PLEKHA6: variants seen among roughly 807,000 people sequenced by gnomAD.
PLEKHA6 encodes pleckstrin homology domain-containing family A member 6.
In PLEKHA6, 60 loss-of-function variants were observed where a neutral mutation model predicts 116.7. The ratio of observed to expected loss-of-function variants is 0.51; its 90% confidence interval spans 0.42 to 0.64. The LOEUF (loss-of-function observed/expected upper bound fraction) is 0.64, where lower values mean the gene tolerates loss of function less well. Among genes scored for constraint, PLEKHA6 ranks in the 30% least tolerant of loss-of-function variants. The pLI, the probability that PLEKHA6 is intolerant of heterozygous loss-of-function variation, is 0.00. For missense variants in PLEKHA6, 1,338 were observed against 1,422.7 expected (o/e 0.94, Z 0.96); for synonymous variants, 489 against 556.1 (o/e 0.88, Z 1.70).
At position 204,299,456 on chromosome 1, in the gene PLEKHA6, G is replaced by T. The variant is rs141194531; in HGVS notation, c.-94-24647C>A. The T allele has an allele frequency of 2.5e-3, 396 of 158,994 alleles. 4 individuals are homozygous for T. Among genetic ancestry groups the T allele is most frequent in the African/African-American group, 9.2e-3 (385 of 41,662 alleles). The allele number at this position is 158,994 out of a possible 1,614,324, so 9.8% of individuals were successfully genotyped here. ...AGAGGGAGCTGGCAACAGAAGTGGG[G>T]TGTGTCATATAGGTGAGCTAAGGTC... On this transcript the variant is annotated intron_variant, in intron 1 of 22. Transcript: ENST00000272203.
At chr1:204,320,445 T>A in intron 1 of PLEKHA6, 1 of 964,968 alleles carries the variant, frequency 1.0e-6, no homozygotes, top group Non-Finnish European at 1.2e-6. Context: ...AGACTGTGGG[T>A]GGGAAGGAGC....
At chr1:204,230,081 A>G (rs1037963510) in intron 18 of PLEKHA6, among the ~76,000 whole-genome samples, 1 of 152,350 alleles carries the variant, frequency 6.6e-6, no homozygotes, top group Admixed American at 6.5e-5. Context: ...CACAGAGGAG[A>G]TGCTCCAGAA....
At chr1:204,274,643 C>A in intron 2 of PLEKHA6, 86 bp downstream of exon 2, 1 of 985,862 alleles carries the variant, frequency 1.0e-6, no homozygotes, top group South Asian at 4.7e-5. Context: ...CTCCCTGTTG[C>A]CTTCTGCTTT....
chr1:204,261,276 C>T lies in PLEKHA6; in HGVS notation c.524+30G>A, dbSNP rs761475050. The T allele has an allele frequency of 3.1e-6, 5 of 1,613,402 alleles. No homozygotes were observed. The African/African-American group carries it at 5.3e-5, about 17-fold the overall frequency. Reference sequence around the variant, plus strand: ...TCCATTCCCCTCTTTATTCTTCCTGCACCCCCACACTCAATTCCCTGGCAC... The same window carrying T: ...TCCATTCCCCTCTTTATTCTTCCTGTACCCCCACACTCAATTCCCTGGCAC... On this transcript the variant is annotated intron_variant, in intron 7 of 22. Transcript: ENST00000272203. This position sits in a 1 kb window ranked among gnomAD's most constrained non-coding sequence, Gnocchi z 4.0.
At position 204,291,128 on chromosome 1, in the gene PLEKHA6, CA is replaced by C. The variant is rs547755905; in HGVS notation, c.-94-16320del. On this transcript the variant is annotated intron_variant, in intron 1 of 22. Transcript: ENST00000272203. ...CTCTCACAACTTAGTATTAAGATAGCAAACAACACCAAAGTTATACACATGT... is the reference window on the plus strand; with the variant it reads ...CTCTCACAACTTAGTATTAAGATAGCAACAACACCAAAGTTATACACATGT... 1.1e-3 allele frequency among the ~76,000 whole-genome samples: 166 copies of C among 152,166 alleles called. 1 individual carries two copies. The highest frequency in any genetic ancestry group is 3.9e-3 in the African/African-American group (162 of 41,520).
At position 204,261,575 on chromosome 1, in the gene PLEKHA6, C is replaced by T; in HGVS notation, c.382-127G>A. 3 of 1,079,118 alleles carry T rather than the reference C, an allele frequency of 2.8e-6. No individual in the cohort carries two copies. Among genetic ancestry groups the T allele is most frequent in the East Asian group, 5.2e-5 (2 of 38,524 alleles). The allele number at this position is 1,079,118 out of a possible 1,614,324, so 66.8% of individuals were successfully genotyped here. On this transcript the variant is annotated intron_variant, in intron 6 of 22. Transcript: ENST00000272203. The surrounding 1 kb of genome is among the most constrained non-coding windows in gnomAD (Gnocchi z 4.0). ...GTTGGGCCATTCCCTGCACCTGGGGCTCTTCCCCATGCGGAGCTCAGGAGC... is the reference window on the plus strand; with the variant it reads ...GTTGGGCCATTCCCTGCACCTGGGGTTCTTCCCCATGCGGAGCTCAGGAGC...
At chr1:204,330,611 G>A (rs2103267061) in intron 1 of PLEKHA6, among the ~76,000 whole-genome samples, 1 of 152,320 alleles carries the variant, frequency 6.6e-6, no homozygotes, top group Non-Finnish European at 1.5e-5. Flanking sequence ...AGAACTTGTA[G>A]AGAGAACCCT....
chr1:204,301,500 G>T, intron 1 of PLEKHA6: 1 of 984,964 alleles, frequency 1.0e-6, no homozygotes, highest in Non-Finnish European at 1.2e-6. Flanking sequence ...CGCCACCCAA[G>T]TCCCCACCTC....
At chr1:204,275,272 G>A (rs1422857827) in intron 1 of PLEKHA6, among the ~76,000 whole-genome samples, 2 of 152,136 alleles carry the variant, frequency 1.3e-5, no homozygotes, top group African/African-American at 4.8e-5. Context: ...TCCTTCTCCT[G>A]CTTTTGCTCC....
intron 5 of PLEKHA6, 42 bp from the exon 6 acceptor site, chr1:204,265,084 TGCAAGC>T (rs768195404): frequency 3.7e-6 from 5 of 1,334,904 alleles, no homozygotes; most frequent in Non-Finnish European, 5.4e-6. Flanking sequence ...TGTGTGTGTG[TGCAAGC>T]GTGTGCGTGC....
chr1:204,220,615 C>A lies in PLEKHA6; in HGVS notation c.*2173G>T, dbSNP rs958690835. On this transcript the variant is annotated 3_prime_UTR_variant, in exon 23 of 23. Transcript: ENST00000272203. ...GTCTTTCCTCTCCCCTTCTTTGGAT[C>A]AAAAAGGCAAGGGGTATGGTCTTGA... The A allele has an allele frequency of 6.6e-6, 1 of 152,354 alleles. No homozygotes were observed. Among genetic ancestry groups the A allele is most frequent in the Non-Finnish European group, 1.5e-5 (1 of 67,982 alleles). 9.4% of individuals were successfully genotyped at this position (152,354 alleles called of 1,614,324 possible). A position where few individuals can be genotyped will look rare whatever the true frequency, so the allele number is the denominator to read the frequency against.
intron 6 of PLEKHA6, 77 bp downstream of exon 6, chr1:204,264,865 C>A (rs1030203722): frequency 2.9e-5 from 31 of 1,051,330 alleles, no homozygotes; most frequent in Admixed American, 2.0e-4. Context: ...TGGCTCTTGG[C>A]CCTTCTCCAT....
At chr1:204,293,558 T>C (rs1015139181) in intron 1 of PLEKHA6, among the ~76,000 whole-genome samples, 25 of 152,250 alleles carry the variant, frequency 1.6e-4, no homozygotes, top group African/African-American at 5.3e-4. Context: ...CCCTTTTGCC[T>C]CAGCCTCCAA....
chr1:204,227,432 C>T (rs1469828904), intron 21 of PLEKHA6, among the ~76,000 whole-genome samples: 2 of 152,212 alleles, frequency 1.3e-5, no homozygotes, highest in African/African-American at 4.8e-5. Context: ...ACATTTTCAT[C>T]TATTCTGGGA....
chr1:204,322,372 C>T (rs1260207151), intron 1 of PLEKHA6, among the ~76,000 whole-genome samples: 3 of 152,190 alleles, frequency 2.0e-5, no homozygotes, highest in Non-Finnish European at 4.4e-5. Context: ...GTCCTAGCTG[C>T]CCCGGCATCC....
Position 204,250,535 on chromosome 1 carries a change from G to A in PLEKHA6, c.1593+11C>T, listed in dbSNP as rs758990083. The A allele has an allele frequency of 1.2e-5, 19 of 1,595,140 alleles. No homozygotes were observed. Among genetic ancestry groups the A allele is most frequent in the East Asian group, 4.5e-5 (2 of 44,798 alleles). ...GGAGTGGAGGGAGGGAGCAGGGGGC[G>A]CTGCTCTTACATCTGTGTCTTGCTC... On this transcript the variant is annotated intron_variant, in intron 10 of 22. Coordinates refer to ENST00000272203, the MANE Select transcript of PLEKHA6 (RefSeq NM_014935.5).
chr1:204,279,218 T>C (rs748185627), intron 1 of PLEKHA6, among the ~76,000 whole-genome samples: 4 of 152,184 alleles, frequency 2.6e-5, no homozygotes, highest in Non-Finnish European at 4.4e-5. Context: ...CCACAGCCTT[T>C]GCTTAAGCTG....
intron 1 of PLEKHA6, among the ~76,000 whole-genome samples, chr1:204,310,090 G>A (rs898637547): frequency 3.3e-5 from 5 of 151,866 alleles, no homozygotes; most frequent in African/African-American, 4.8e-5. Flanking sequence ...GCAAAATTAG[G>A]TAGTGGGCTG....
chr1:204,368,447 AAT>A (rs1673711631), intron 2 of PLEKHA6: 1 of 152,084 alleles, frequency 6.6e-6, no homozygotes, highest in Admixed American at 6.5e-5. Context: ...TAAAATCTTT[AAT>A]AGTGTCTCTG....
Sources: allele counts gnomAD v4.1 joint callset (sites outside exome capture counted in the v4.1 genomes callset), GRCh38; gene constraint gnomAD v4.1.1; non-coding constraint Gnocchi (gnomAD v3.1); transcripts MANE v1.5; gene names NCBI Gene and HGNC (gene_info 2026-07-23, HGNC 2026-07-21).